The following AKR1E2 variants were observed in gnomAD, a reference collection of about 807,000 sequenced individuals.
AKR1E2 encodes 1,5-anhydro-D-fructose reductase.
AKR1E2 carries 43 observed loss-of-function variants against 41.9 expected under a neutral mutation model. The ratio of observed to expected loss-of-function variants is 1.03; its 90% CI spans 0.80 to 1.32. The LOEUF is 1.32. Ranked by LOEUF, AKR1E2 falls within the 40% of genes most tolerant of loss-of-function variation. The probability of loss-of-function intolerance (pLI) is 0.00; values close to 1 mark genes in which losing one functional copy is unlikely to be tolerated. For synonymous variants in AKR1E2, 121 were observed against 138.9 expected, an observed-to-expected ratio of 0.87 and a Z score of 0.91; for missense variants, 423 against 396.5, an observed-to-expected ratio of 1.07 and a Z score of -0.57.
the AKR1E2 span, among the ~76,000 whole-genome samples, chr10:4,871,721 A>G: frequency 4.7e-4 from 72 of 152,164 alleles, 1 homozygote; most frequent in African/African-American, 1.7e-3. Flanking sequence ...GGGGGCGGGA[A>G]TCAAGAGAAA....
intron 6 of AKR1E2, 36 bp downstream of exon 6, chr10:4,839,862 G>C: frequency 6.4e-7 from 1 of 1,571,700 alleles, no homozygotes; most frequent in African/African-American, 1.4e-5. Flanking sequence ...GTCAGAGTCC[G>C]ACTGGGAAGT....
intron 1 of AKR1E2, among the ~76,000 whole-genome samples, chr10:4,828,079 C>G (rs1832688362): frequency 6.6e-6 from 1 of 152,214 alleles, no homozygotes; most frequent in Admixed American, 6.5e-5. Flanking sequence ...ATAAACATCA[C>G]AGACCTATCC....
At chr10:4,837,681 C>T (rs911677520) in intron 5 of AKR1E2, 100 bp downstream of exon 5, 4 of 1,512,520 alleles carry the variant, frequency 2.6e-6, no homozygotes, top group Non-Finnish European at 3.6e-6. Context: ...GGGTGAAGCA[C>T]AAAACAGGCC....
intron 1 of AKR1E2, among the ~76,000 whole-genome samples, chr10:4,830,052 C>T (rs1832850319): frequency 6.6e-6 from 1 of 152,166 alleles, no homozygotes; most frequent in South Asian, 2.1e-4. Flanking sequence ...CCTAGGGTTA[C>T]CGTGAAGCTC....
the AKR1E2 span, among the ~76,000 whole-genome samples, chr10:4,862,104 TG>T: frequency 1.2e-4 from 18 of 152,238 alleles, 1 homozygote; most frequent in Admixed American, 1.1e-3. Context: ...AATTAGTTTT[TG>T]TATAAGGTGT....
chr10:4,826,421 G>A (rs561876529), intron 1 of AKR1E2, 58 bp downstream of exon 1: 2 of 1,219,700 alleles, frequency 1.6e-6, no homozygotes, highest in East Asian at 3.2e-5. Flanking sequence ...GGACTTGGGG[G>A]CGCCCGATGG....
chr10:4,859,861 G>A, the AKR1E2 span, among the ~76,000 whole-genome samples: 1 of 152,242 alleles, frequency 6.6e-6, no homozygotes, highest in South Asian at 2.1e-4. Flanking sequence ...ATTTTGTGGT[G>A]TCTCCCTTAG....
intron 1 of AKR1E2, among the ~76,000 whole-genome samples, chr10:4,829,247 C>T (rs1417124645): frequency 6.6e-6 from 1 of 152,072 alleles, no homozygotes; most frequent in East Asian, 1.9e-4. Flanking sequence ...ATTGAGTTGA[C>T]TTTTGTTTTT....
downstream of AKR1E2, among the ~76,000 whole-genome samples, chr10:4,850,999 A>G (rs886793505): frequency 6.6e-6 from 1 of 152,134 alleles, no homozygotes; most frequent in African/African-American, 2.4e-5. Context: ...CAGCTCTCCA[A>G]CAAGCTTTCT....
chr10:4,847,585 A>G lies in AKR1E2; in HGVS notation c.*55A>G. 1 of 1,586,690 alleles carries G rather than the reference A, an allele frequency of 6.3e-7. No homozygotes were observed. Among genetic ancestry groups the G allele is most frequent in the African/African-American group, 1.3e-5 (1 of 74,264 alleles). ...GCCCAGATGCACAGACACTATTGGC[A>G]ATGTTGACCCTCCTCTGTCATCACA... On this transcript the variant is annotated 3_prime_UTR_variant, in exon 10 of 10. Coordinates refer to ENST00000298375, the MANE Select transcript of AKR1E2 (RefSeq NM_001040177.3).
intron 3 of AKR1E2, among the ~76,000 whole-genome samples, chr10:4,834,178 G>T (rs1160927430): frequency 2.0e-5 from 3 of 152,216 alleles, no homozygotes; most frequent in Non-Finnish European, 4.4e-5. Flanking sequence ...AGAAGCCCTT[G>T]CAGGGATGTT....
the AKR1E2 span, among the ~76,000 whole-genome samples, chr10:4,858,482 C>A: frequency 1.2e-3 from 182 of 152,228 alleles, no homozygotes; most frequent in African/African-American, 4.3e-3. Context: ...GTCATGTAAG[C>A]AAATAATTAT....
the AKR1E2 span, among the ~76,000 whole-genome samples, chr10:4,856,746 T>A: frequency 6.6e-6 from 1 of 152,240 alleles, no homozygotes; most frequent in African/African-American, 2.4e-5. Flanking sequence ...AATCATTCCA[T>A]GGCACAGAGG....
chr10:4,846,066 A>G (rs1246772336), intron 8 of AKR1E2: 14 of 355,880 alleles, frequency 3.9e-5, no homozygotes. Context: ...TACCCTTTAT[A>G]AGGAGTCTTC....
intron 8 of AKR1E2, among the ~76,000 whole-genome samples, chr10:4,845,331 C>T (rs1277376613): frequency 6.6e-6 from 1 of 152,218 alleles, no homozygotes; most frequent in African/African-American, 2.4e-5. Context: ...AGGGAGCCGA[C>T]TCCGGCCTCG....
At chr10:4,845,927 T>TTAGGCGG (rs1357177513) in intron 8 of AKR1E2, 1 of 456,886 alleles carries the variant, frequency 2.2e-6, no homozygotes, top group Non-Finnish European at 4.4e-6. Flanking sequence ...GTGCTTATGC[T>TTAGGCGG]GTCAGGAGGA....
At chr10:4,861,554 C>T in the AKR1E2 span, among the ~76,000 whole-genome samples, 4 of 151,788 alleles carry the variant, frequency 2.6e-5, no homozygotes, top group South Asian at 2.1e-4. Flanking sequence ...TTTTTATTAG[C>T]GATGGGGTCT....
chr10:4,864,714 C>T, the AKR1E2 span, among the ~76,000 whole-genome samples: 6,868 of 152,204 alleles, frequency 0.045, 168 homozygotes, highest in African/African-American at 0.075. Context: ...AAAACCCCAT[C>T]GTCTCAGCCC....
At chr10:4,861,178 C>T in the AKR1E2 span, among the ~76,000 whole-genome samples, 25 of 152,134 alleles carry the variant, frequency 1.6e-4, no homozygotes, top group African/African-American at 6.0e-4. Flanking sequence ...GTAGGTGCCA[C>T]ACTTCTATCA....
Sources: gnomAD v4.1 joint callset for allele counts (sites outside exome capture counted in the v4.1 genomes callset) on GRCh38, gnomAD v4.1.1 for gene constraint, MANE v1.5 for transcripts, NCBI Gene and HGNC (gene_info 2026-07-23, HGNC 2026-07-21) for gene names.